TMCO6: variants seen among roughly 807,000 people sequenced by gnomAD.
TMCO6 encodes transmembrane and coiled-coil domains 6.
Under a neutral mutation model 61.8 loss-of-function variants are expected in TMCO6, and 47 were observed. The ratio of observed to expected loss-of-function variants is 0.76; its 90% CI spans 0.60 to 0.97. The LOEUF is 0.97. Among genes scored for constraint, TMCO6 ranks in the 50% least tolerant of loss-of-function variants. The pLI is 0.00. For missense variants in TMCO6, 557 were observed against 601.6 expected (o/e 0.93, Z 0.78); for synonymous variants, 261 against 254.2 (o/e 1.03, Z -0.25).
chr5:140,644,542 CT>C (rs1490413295), intron 10 of TMCO6, 30 bp from the exon 11 acceptor site: 4 of 1,605,094 alleles, frequency 2.5e-6, no homozygotes, highest in Non-Finnish European at 3.4e-6. Flanking sequence ...GTGTTTCATT[CT>C]TTGTAGACTA....
the TMCO6 span, chr5:140,631,775 G>T: frequency 7.6e-7 from 1 of 1,320,446 alleles, no homozygotes; most frequent in South Asian, 1.4e-5. Context: ...GGGTTGAATT[G>T]GTCGAAAAGT....
At chr5:140,616,080 C>T in the TMCO6 span, among the ~76,000 whole-genome samples, 7 of 151,246 alleles carry the variant, frequency 4.6e-5, no homozygotes, top group East Asian at 2.0e-4. Context: ...TGCAGTGAGC[C>T]GAGGCCATGC....
rs1248286648 is a variant in TMCO6, at chr5:140,645,142, A to G, written c.*44A>G. ...CTCATTCCCCTCTCTCTTAACATCAAGCTTGTTTGTCCAGTAGAGCCTTTG... is the reference window on the plus strand; with the variant it reads ...CTCATTCCCCTCTCTCTTAACATCAGGCTTGTTTGTCCAGTAGAGCCTTTG... On this transcript the variant is annotated 3_prime_UTR_variant, in exon 12 of 12. Coordinates refer to ENST00000394671, the MANE Select transcript of TMCO6 (RefSeq NM_018502.5). 6.3e-7 allele frequency: 1 copy of G among 1,585,240 alleles called. No individual in the cohort carries two copies. The highest frequency in any genetic ancestry group is 1.3e-5 in the African/African-American group (1 of 74,452).
chr5:140,640,315 A>G lies in TMCO6; in HGVS notation c.198+464A>G, dbSNP rs576617370. ...CGTCCTCTTTTTAGTTCCTGCAACG[A>G]TATATCGGATTTGTGTCTCAAGCCC... On this transcript the variant is annotated intron_variant, in intron 2 of 11. Coordinates refer to ENST00000394671, the MANE Select transcript of TMCO6 (RefSeq NM_018502.5). Among the ~76,000 whole-genome samples, 10 of 152,154 alleles carry G rather than the reference A, an allele frequency of 6.6e-5. No homozygotes were observed. The South Asian group carries it at 1.9e-3, about 28-fold the overall frequency.
rs577426736 is a variant in TMCO6, at chr5:140,641,697, G to C, written c.231G>C (p.Gly77=). 1.2e-6 allele frequency: 2 copies of C among 1,614,166 alleles called. No homozygotes were observed. The highest frequency in any genetic ancestry group is 1.7e-5 in the Admixed American group (1 of 60,018). Residue 77 remains glycine (G), a synonymous_variant, in exon 3 of 12, where the codon GGG becomes GGC. Coordinates refer to ENST00000394671, the MANE Select transcript of TMCO6 (RefSeq NM_018502.5). The part of the protein sequence containing the change: ...VQQFLRQAQR[G]TEEKEREGAL... Reference sequence around the variant, plus strand: ...AGTTCCTGCGGCAAGCCCAGCGGGGGACAGAGGAAAAGGAGAGAGAGGGGG... The same window carrying C: ...AGTTCCTGCGGCAAGCCCAGCGGGGCACAGAGGAAAAGGAGAGAGAGGGGG...
the TMCO6 span, among the ~76,000 whole-genome samples, chr5:140,634,366 CAAACA>C: frequency 1.3e-5 from 2 of 151,378 alleles, no homozygotes; most frequent in Non-Finnish European, 2.9e-5. Flanking sequence ...AAAAAAACAG[CAAACA>C]AAACAAAACA....
chr5:140,636,997 G>A (rs895629460), upstream of TMCO6, among the ~76,000 whole-genome samples: 5 of 152,146 alleles, frequency 3.3e-5, no homozygotes, highest in Admixed American at 6.5e-5. Flanking sequence ...TGTGAAAAGG[G>A]TTGTGAAGAA....
At chr5:140,602,704 C>T in the TMCO6 span, among the ~76,000 whole-genome samples, 4 of 151,738 alleles carry the variant, frequency 2.6e-5, no homozygotes, top group East Asian at 1.9e-4. Flanking sequence ...GTGGAGGTTA[C>T]GGTGAGCCAA....
the TMCO6 span, among the ~76,000 whole-genome samples, chr5:140,605,987 T>G: frequency 6.6e-6 from 1 of 152,108 alleles, no homozygotes; most frequent in Non-Finnish European, 1.5e-5. Flanking sequence ...TGGCATATCG[T>G]GTTCAAAATA....
chr5:140,634,561 C>G (rs1756720574), upstream of TMCO6, among the ~76,000 whole-genome samples: 1 of 145,768 alleles, frequency 6.9e-6, no homozygotes, highest in Admixed American at 7.0e-5. Context: ...TCTTGGCTCA[C>G]TGCAACCTCC....
At chr5:140,636,437 G>A (rs1459159209), upstream of TMCO6, among the ~76,000 whole-genome samples, 1 of 149,870 alleles carries the variant, frequency 6.7e-6, no homozygotes, top group African/African-American at 2.5e-5. Flanking sequence ...CTACTGCACT[G>A]CAGCGTGGGC....
chr5:140,602,180 G>A, the TMCO6 span, among the ~76,000 whole-genome samples: 2 of 152,068 alleles, frequency 1.3e-5, no homozygotes, highest in Non-Finnish European at 2.9e-5. Context: ...TGCCTATTCT[G>A]TTCCCTCTGC....
the TMCO6 span, among the ~76,000 whole-genome samples, chr5:140,624,476 C>A: frequency 6.6e-6 from 1 of 152,108 alleles, no homozygotes; most frequent in Non-Finnish European, 1.5e-5. Flanking sequence ...ATTTTTATCA[C>A]CCCAAAAAGA....
the TMCO6 span, among the ~76,000 whole-genome samples, chr5:140,611,263 A>G: frequency 6.6e-6 from 1 of 152,088 alleles, no homozygotes; most frequent in Admixed American, 6.6e-5. Context: ...GTCTGTTCCC[A>G]TACATCTTCC....
At chr5:140,642,449 C>A (rs1466629886) in intron 5 of TMCO6, 30 bp downstream of exon 5, 1 of 1,608,044 alleles carries the variant, frequency 6.2e-7, no homozygotes, top group South Asian at 1.1e-5. Context: ...CTGGGCAACC[C>A]TTCCTTTGCT....
chr5:140,642,592 C>A lies in TMCO6; in HGVS notation c.610C>A (p.His204Asn), dbSNP rs199968038. Residue 204 changes from histidine (H) to asparagine (N), a missense_variant, in exon 6 of 12, where the codon CAT (histidine) becomes AAT (asparagine). Physicochemically the swap from His to Asn is moderately conservative, Grantham distance 68. Coordinates refer to ENST00000394671, the MANE Select transcript of TMCO6 (RefSeq NM_018502.5). ...TTACCCTGTCTACTTCCAGTCCCCC[C>A]ATGTGGCTGTGCTGGAAGCTCTCGG... Reference protein sequence around the residue: ...PALAACIQSPHVAVLEALGYA... With the variant: ...PALAACIQSPNVAVLEALGYA... The A allele has an allele frequency of 1.2e-5, 20 of 1,614,232 alleles. No individual in the cohort carries two copies. The Middle Eastern group carries it at 6.6e-4, about 53-fold the overall frequency.
upstream of TMCO6, chr5:140,638,806 C>G (rs1297164145): frequency 6.6e-6 from 1 of 152,260 alleles, no homozygotes; most frequent in Non-Finnish European, 1.5e-5. Flanking sequence ...ATCCACCCGC[C>G]CAGGCCTCCC....
rs146794976 is a variant in TMCO6 at position 140,641,089 on chromosome 5, C to T, written c.199-576C>T. ...CCTTTTCTTTGAGGTGCTCACAGCC[C>T]GGTGAAGAAGACAGATGTCACAAGG... On this transcript the variant is annotated intron_variant, in intron 2 of 11. Transcript: ENST00000394671. 449 of 154,960 alleles carry T rather than the reference C, an allele frequency of 2.9e-3. 5 individuals carry two copies. The highest frequency in any genetic ancestry group is 0.015 in the Middle Eastern group (28 of 1,924). 9.6% of individuals were successfully genotyped at this position (154,960 alleles called of 1,614,324 possible).
downstream of TMCO6, among the ~76,000 whole-genome samples, chr5:140,646,260 T>C (rs555138747): frequency 6.6e-6 from 1 of 152,134 alleles, no homozygotes; most frequent in Admixed American, 6.5e-5. Context: ...ATCCACCTGC[T>C]TCAGCCTCCC....
Sources: allele counts gnomAD v4.1 joint callset (sites outside exome capture counted in the v4.1 genomes callset), GRCh38; gene constraint gnomAD v4.1.1; transcripts MANE v1.5; gene names NCBI Gene and HGNC (gene_info 2026-07-23, HGNC 2026-07-21).